CLN8: variants seen among roughly 807,000 people sequenced by gnomAD.
CLN8 encodes CLN8 transmembrane ER and ERGIC protein.
In CLN8, 14 loss-of-function variants were observed where a neutral mutation model predicts 15.7. That is an observed-to-expected ratio of 0.89 (90% CI 0.59 to 1.39). The LOEUF is 1.39. Ranked by LOEUF, CLN8 falls within the 40% of genes most tolerant of loss-of-function variation. The probability of loss-of-function intolerance (pLI) is 0.00; values close to 1 mark genes in which losing one functional copy is unlikely to be tolerated. For missense variants in CLN8, 415 were observed against 364.0 expected, an observed-to-expected ratio of 1.14 and a Z score of -1.14; for synonymous variants, 188 against 151.0, an observed-to-expected ratio of 1.25 and a Z score of -1.80.
intron 1 of CLN8, among the ~76,000 whole-genome samples, chr8:1,758,003 C>T (rs1027756897): frequency 6.6e-6 from 1 of 151,976 alleles, no homozygotes; most frequent in African/African-American, 2.4e-5. Context: ...TTAAGCAACC[C>T]CTCCAAGGTC....
At chr8:1,759,077 T>C (rs572223809), upstream of CLN8, 1 of 152,358 alleles carries the variant, frequency 6.6e-6, no homozygotes, top group South Asian at 2.1e-4. Flanking sequence ...GGTTGGAATG[T>C]AGTATCTTAT....
At chr8:1,765,099 G>A (rs770578088) in intron 1 of CLN8, 1 of 152,176 alleles carries the variant, frequency 6.6e-6, no homozygotes, top group Non-Finnish European at 1.5e-5. Context: ...GGTTGTTAAG[G>A]AAGTTCTTCC....
chr8:1,767,387 T>C (rs1801107150), intron 1 of CLN8, among the ~76,000 whole-genome samples: 1 of 152,144 alleles, frequency 6.6e-6, no homozygotes, highest in Admixed American at 6.5e-5. Context: ...CCTGTTTCTG[T>C]TTCCATGTCT....
Position 1,780,336 on chromosome 8 carries a change from CA to C in CLN8, c.631del (p.Met211CysfsTer21), listed in dbSNP as rs774392784. On this transcript the variant is annotated frameshift_variant, in exon 3 of 3. Transcript: ENST00000331222. LOFTEE classifies it high-confidence loss of function. ...FHCRMVLTYH[M>X]WWVCFWHWDG... ...ACTGCCGCATGGTTCTAACCTACCA[CA>C]TGTGGTGGGTGTGTTTCTGGCACTG... The C allele has an allele frequency of 6.2e-7, 1 of 1,614,256 alleles. No homozygotes were observed. Among genetic ancestry groups the C allele is most frequent in the South Asian group, 1.1e-5 (1 of 91,090 alleles).
chr8:1,762,138 T>C (rs1322244885), upstream of CLN8: 4 of 152,248 alleles, frequency 2.6e-5, no homozygotes. Flanking sequence ...GTCTCAGTTA[T>C]AATTTTGCAA....
intron 1 of CLN8, among the ~76,000 whole-genome samples, chr8:1,769,463 G>A (rs899724328): frequency 4.6e-5 from 7 of 152,162 alleles, no homozygotes; most frequent in African/African-American, 1.7e-4. Flanking sequence ...GCTGCGTGGG[G>A]AGTGTGGTGT....
rs529804843 is a variant in CLN8, at chr8:1,782,017, GTT to G, written c.*1452_*1453del. On this transcript the variant is annotated 3_prime_UTR_variant, in exon 3 of 3. Coordinates refer to ENST00000331222, the MANE Select transcript of CLN8 (RefSeq NM_018941.4). ...TATAAACGTGCAATTAAAATTCAAA[GTT>G]TATTTTTTATCACAAGCACCTTTGA... is the stretch of plus-strand genomic sequence containing the variant. 6.6e-6 allele frequency: 1 copy of G among 151,994 alleles called. No homozygotes were observed. The highest frequency in any genetic ancestry group is 1.5e-5 in the Non-Finnish European group (1 of 68,026). 9.4% of individuals were successfully genotyped at this position (151,994 alleles called of 1,614,324 possible).
At chr8:1,756,299 T>C (rs1800668026) in intron 1 of CLN8, among the ~76,000 whole-genome samples, 1 of 152,010 alleles carries the variant, frequency 6.6e-6, no homozygotes, top group South Asian at 2.1e-4. Context: ...CTGGCCAACA[T>C]AGTAAAACCC....
chr8:1,758,038 AGC>A (rs1366743404), intron 1 of CLN8, among the ~76,000 whole-genome samples: 181 of 152,234 alleles, frequency 1.2e-3, no homozygotes, highest in African/African-American at 4.1e-3. Context: ...AGTAACACCC[AGC>A]ATAGAGATCA....
intron 2 of CLN8, among the ~76,000 whole-genome samples, chr8:1,779,785 C>T (rs78916536): frequency 0.02 from 3,087 of 152,274 alleles, 111 homozygotes; most frequent in African/African-American, 0.071. Flanking sequence ...GTCTCTTTCT[C>T]TTCTTATGAC....
chr8:1,775,913 T>C (rs993793427), intron 2 of CLN8, among the ~76,000 whole-genome samples: 1 of 152,242 alleles, frequency 6.6e-6, no homozygotes, highest in African/African-American at 2.4e-5. Flanking sequence ...ATTCTCAGTC[T>C]TCCGTAAGTG....
In CLN8 at chr8:1,780,924, T is replaced by C; in HGVS notation, c.*357T>C. 1 of 357,842 alleles carries C rather than the reference T, an allele frequency of 2.8e-6. No individual in the cohort carries two copies. Among genetic ancestry groups the C allele is most frequent in the Non-Finnish European group, 5.1e-6 (1 of 194,456 alleles). 22.2% of individuals were successfully genotyped at this position (357,842 alleles called of 1,614,324 possible). ...AGTGAAGTGCCTCCCACAGGGCGGG[T>C]GGGTCAGCGTTGACTCTTTCCAGCT... On this transcript the variant is annotated 3_prime_UTR_variant, in exon 3 of 3. Transcript: ENST00000331222.
At chr8:1,766,291 C>T (rs1353325898) in intron 1 of CLN8, among the ~76,000 whole-genome samples, 1 of 152,146 alleles carries the variant, frequency 6.6e-6, no homozygotes, top group African/African-American at 2.4e-5. Flanking sequence ...GCTCCACTTC[C>T]TCTACTGCAG....
chr8:1,780,344 G>A lies in CLN8; in HGVS notation c.638G>A (p.Trp213Ter). Residue 213 changes from tryptophan to a stop codon, truncating the protein, a stop_gained, in exon 3 of 3, where the codon TGG becomes TAG. Transcript: ENST00000331222. LOFTEE classifies it high-confidence loss of function. ...CRMVLTYHMWWVCFWHWDGLV... is the reference protein window; with the variant it reads ...CRMVLTYHMW ...ATGGTTCTAACCTACCACATGTGGT[G>A]GGTGTGTTTCTGGCACTGGGACGGC... 6.2e-7 allele frequency: 1 copy of A among 1,614,136 alleles called. No individual in the cohort carries two copies. The highest frequency in any genetic ancestry group is 8.5e-7 in the Non-Finnish European group (1 of 1,179,960).
At position 1,780,581 on chromosome 8, in the gene CLN8, G is replaced by C. The variant is rs551042352; in HGVS notation, c.*14G>C. ...AAGAGGCCATAGCTGCTCCAGCCGGGGCTCCGGGGCGGCAGCAGAGCTGGC... is the reference window on the plus strand; with the variant it reads ...AAGAGGCCATAGCTGCTCCAGCCGGCGCTCCGGGGCGGCAGCAGAGCTGGC... On this transcript the variant is annotated 3_prime_UTR_variant, in exon 3 of 3. Coordinates refer to ENST00000331222, the MANE Select transcript of CLN8 (RefSeq NM_018941.4). 1 of 1,610,746 alleles carries C rather than the reference G, an allele frequency of 6.2e-7. No individual in the cohort carries two copies. The highest frequency in any genetic ancestry group is 8.5e-7 in the Non-Finnish European group (1 of 1,177,532).
In CLN8 at chr8:1,785,909, C is replaced by T. The variant is rs1801820701; in HGVS notation, c.*5342C>T. Reference sequence around the variant, plus strand: ...GGCAGCCCTCAGGGTCTCCAGACCCCAGCCCCACTCACACAGCAGCCTAGG... The same window carrying T: ...GGCAGCCCTCAGGGTCTCCAGACCCTAGCCCCACTCACACAGCAGCCTAGG... On this transcript the variant is annotated 3_prime_UTR_variant, in exon 3 of 3. Transcript: ENST00000331222. 1 of 153,896 alleles carries T rather than the reference C, an allele frequency of 6.5e-6. No individual in the cohort carries two copies. The highest frequency in any genetic ancestry group is 2.4e-5 in the African/African-American group (1 of 41,454). 9.5% of individuals were successfully genotyped at this position (153,896 alleles called of 1,614,324 possible).
At chr8:1,778,755 C>G (rs1801608954) in intron 2 of CLN8, among the ~76,000 whole-genome samples, 1 of 152,232 alleles carries the variant, frequency 6.6e-6, no homozygotes, top group South Asian at 2.1e-4. Flanking sequence ...TTGTATGAGG[C>G]AGGCTGGGTT....
chr8:1,771,678 A>T, intron 2 of CLN8, 81 bp downstream of exon 2: 1 of 1,296,326 alleles, frequency 7.7e-7, no homozygotes, highest in South Asian at 1.2e-5. Flanking sequence ...GCTGCCATAA[A>T]CTCAACAGCA....
upstream of CLN8, among the ~76,000 whole-genome samples, chr8:1,755,158 A>T (rs1800638852): frequency 6.6e-6 from 1 of 152,220 alleles, no homozygotes. Context: ...CAGCAAGTGA[A>T]AAAGAAGTGA....
Sources: gnomAD v4.1 joint callset for allele counts (sites outside exome capture counted in the v4.1 genomes callset) on GRCh38, gnomAD v4.1.1 for gene constraint, MANE v1.5 for transcripts, NCBI Gene and HGNC (gene_info 2026-07-23, HGNC 2026-07-21) for gene names.